The following DLGAP2 variants were observed in gnomAD, a reference collection of about 807,000 sequenced individuals.
DLGAP2 encodes disks large-associated protein 2.
DLGAP2 carries 26 observed loss-of-function variants against 100.3 expected under a neutral mutation model. The ratio of observed to expected loss-of-function variants is 0.26; its 90% CI spans 0.19 to 0.36. The LOEUF (loss-of-function observed/expected upper bound fraction) is 0.36. Among genes scored for constraint, DLGAP2 ranks in the 10% least tolerant of loss-of-function variants. The probability of loss-of-function intolerance (pLI) is 1.00; values close to 1 mark genes in which losing one functional copy is unlikely to be tolerated. For synonymous variants in DLGAP2, 886 were observed against 630.1 expected, an observed-to-expected ratio of 1.41 and a Z score of -6.08; for missense variants, 1,858 against 1,453.2, an observed-to-expected ratio of 1.28 and a Z score of -4.53.
chr8:971,675 T>G (rs1449158766), intron 2 of DLGAP2, among the ~76,000 whole-genome samples: 1 of 152,226 alleles, frequency 6.6e-6, no homozygotes, highest in African/African-American at 2.4e-5. Context: ...CGCATACTTC[T>G]GCCAGGAATA....
In DLGAP2 at chr8:1,069,376, G is replaced by A. The variant is rs537978173; in HGVS notation, c.73+161410G>A. On this transcript the variant is annotated intron_variant, in intron 2 of 14. Transcript: ENST00000637795. The stretch of plus-strand genomic sequence containing the variant: ...GCGAGGACACCAGGTCTCACTGGAG[G>A]ACGGGCCGGCTTCTCCCATGCCCTG... 8.7e-4 allele frequency among the ~76,000 whole-genome samples: 133 copies of A among 152,290 alleles called. 1 individual carries two copies. Among genetic ancestry groups the A allele is most frequent in the African/African-American group, 3.0e-3 (123 of 41,574 alleles).
chr8:1,146,228 G>C (rs1563215395), intron 2 of DLGAP2, among the ~76,000 whole-genome samples: 1 of 152,194 alleles, frequency 6.6e-6, no homozygotes, highest in Non-Finnish European at 1.5e-5. Context: ...CTTCCTGGAT[G>C]CTCGGTCACC....
chr8:1,534,649 T>G (rs963800656), intron 4 of DLGAP2, among the ~76,000 whole-genome samples: 2 of 152,226 alleles, frequency 1.3e-5, no homozygotes, highest in African/African-American at 2.4e-5. Context: ...TGGGGATTTT[T>G]TTTAAAGATG....
Position 1,528,478 on chromosome 8 carries a change from G to A in DLGAP2, c.173-20148G>A, listed in dbSNP as rs964712817. 1.5e-4 allele frequency among the ~76,000 whole-genome samples: 23 copies of A among 152,222 alleles called. 1 individual carries two copies. Among genetic ancestry groups the A allele is most frequent in the Admixed American group, 4.6e-4 (7 of 15,284 alleles). ...CATCTATGAAAACTTCTCAAAGGGC[G>A]GTGCCTCCACCAGGAGCAGCAGCAG... On this transcript the variant is annotated intron_variant, in intron 4 of 14. Coordinates refer to ENST00000637795, the MANE Select transcript of DLGAP2 (RefSeq NM_001346810.2).
Position 1,705,487 on chromosome 8 carries a change from G to A in DLGAP2, c.*4081G>A, listed in dbSNP as rs1179002687. On this transcript the variant is annotated 3_prime_UTR_variant, in exon 15 of 15. Coordinates refer to ENST00000637795, the MANE Select transcript of DLGAP2 (RefSeq NM_001346810.2). Reference sequence around the variant, plus strand: ...GCCCCCCACGAACCTGGGAAAGGCAGCGGGAAATGTGTGAGAGGGTGTGCG... The same window carrying A: ...GCCCCCCACGAACCTGGGAAAGGCAACGGGAAATGTGTGAGAGGGTGTGCG... The A allele has an allele frequency of 6.6e-6, 1 of 152,318 alleles. No individual in the cohort carries two copies. The highest frequency in any genetic ancestry group is 1.5e-5 in the Non-Finnish European group (1 of 68,100). The allele number at this position is 152,318 out of a possible 1,614,324, so 9.4% of individuals were successfully genotyped here.
intron 12 of DLGAP2, among the ~76,000 whole-genome samples, chr8:1,687,055 G>T (rs577168349): frequency 1.3e-5 from 2 of 152,190 alleles, no homozygotes; most frequent in Admixed American, 6.5e-5. Context: ...AAATCATGAG[G>T]CTCGAGATCT....
chr8:953,204 C>CT (rs200860484), intron 2 of DLGAP2, among the ~76,000 whole-genome samples: 1,890 of 150,756 alleles, frequency 0.013, 46 homozygotes, highest in African/African-American at 0.044. Context: ...TTTCTTTTTT[C>CT]TTTTTTTTGA....
chr8:1,325,384 A>T (rs893758375), intron 3 of DLGAP2, among the ~76,000 whole-genome samples: 6 of 152,220 alleles, frequency 3.9e-5, no homozygotes, highest in South Asian at 4.1e-4. Context: ...TCCCACCTCC[A>T]GCAGCCCTGG....
At chr8:1,467,724 T>C (rs1195660132) in intron 3 of DLGAP2, among the ~76,000 whole-genome samples, 1 of 152,106 alleles carries the variant, frequency 6.6e-6, no homozygotes, top group African/African-American at 2.4e-5. Flanking sequence ...CTGGCTGCTC[T>C]CCATAGCTCA....
At chr8:1,057,367 C>A (rs1220942562) in intron 2 of DLGAP2, among the ~76,000 whole-genome samples, 1 of 152,206 alleles carries the variant, frequency 6.6e-6, no homozygotes, top group Non-Finnish European at 1.5e-5. Context: ...ACATACAGTT[C>A]ATGTTAATCC....
At chr8:1,062,719 T>C (rs1270250171) in intron 2 of DLGAP2, among the ~76,000 whole-genome samples, 10 of 152,162 alleles carry the variant, frequency 6.6e-5, no homozygotes. Flanking sequence ...GTCGTTGTGA[T>C]AGCAGCTGGG....
At chr8:1,586,717 G>T (rs531755631) in intron 6 of DLGAP2, among the ~76,000 whole-genome samples, 1 of 152,216 alleles carries the variant, frequency 6.6e-6, no homozygotes, top group Non-Finnish European at 1.5e-5. Flanking sequence ...GTCACTGGAC[G>T]GACACACTGC....
chr8:1,570,564 C>G (rs999099707), intron 6 of DLGAP2, among the ~76,000 whole-genome samples: 4 of 152,218 alleles, frequency 2.6e-5, no homozygotes, highest in Admixed American at 2.0e-4. Context: ...CACATGTTCA[C>G]CACAGTGTAG....
intron 2 of DLGAP2, among the ~76,000 whole-genome samples, chr8:1,189,034 C>T (rs1240918681): frequency 1.5e-5 from 2 of 131,626 alleles, no homozygotes; most frequent in African/African-American, 4.1e-5. Context: ...GGCCCCATGG[C>T]GGTTCCGCTG....
At chr8:1,310,399 A>G (rs1231973587) in intron 3 of DLGAP2, among the ~76,000 whole-genome samples, 1 of 152,198 alleles carries the variant, frequency 6.6e-6, no homozygotes, top group African/African-American at 2.4e-5. Context: ...AATTGGAGAA[A>G]GTAAGGGGTA....
At chr8:1,161,061 A>C (rs1027092486) in intron 2 of DLGAP2, among the ~76,000 whole-genome samples, 28 of 152,366 alleles carry the variant, frequency 1.8e-4, no homozygotes, top group African/African-American at 6.7e-4. Context: ...AAAAATTGAT[A>C]AGACACTTTG....
intron 5 of DLGAP2, among the ~76,000 whole-genome samples, chr8:1,560,332 C>G (rs1312625062): frequency 6.6e-6 from 1 of 152,134 alleles, no homozygotes; most frequent in Admixed American, 6.5e-5. Flanking sequence ...TTTTGGGTAG[C>G]TGGGTAGTAT....
intron 2 of DLGAP2, among the ~76,000 whole-genome samples, chr8:1,010,891 G>T (rs1031585424): frequency 1.3e-5 from 2 of 151,726 alleles, no homozygotes; most frequent in East Asian, 3.9e-4. Context: ...AGCCCCAGGC[G>T]AGGGGCCCCT....
At chr8:1,413,821 G>A (rs1322413436) in intron 3 of DLGAP2, among the ~76,000 whole-genome samples, 2 of 152,244 alleles carry the variant, frequency 1.3e-5, no homozygotes, top group African/African-American at 2.4e-5. Flanking sequence ...CCTGCCAGGT[G>A]GGCCTTGGTG....
Sources: gnomAD v4.1 joint callset for allele counts (sites outside exome capture counted in the v4.1 genomes callset) on GRCh38, gnomAD v4.1.1 for gene constraint, MANE v1.5 for transcripts, NCBI Gene and HGNC (gene_info 2026-07-23, HGNC 2026-07-21) for gene names.